The following NCK2 variants were observed in gnomAD, a reference collection of about 807,000 sequenced individuals.
NCK2 encodes the protein NCK adaptor protein 2.
In NCK2, 16 loss-of-function variants were observed where a neutral mutation model predicts 33.9. The observed-to-expected ratio is 0.47, with a 90% CI of 0.32 to 0.72. NCK2 has a LOEUF of 0.72. Ranked by LOEUF, NCK2 falls within the 30% of genes least tolerant of loss-of-function variation. NCK2 has a pLI of 0.03. For synonymous variants in NCK2, 273 were observed against 239.9 expected (o/e 1.14, Z -1.27); for missense variants, 418 against 537.3 (o/e 0.78, Z 2.19).
At position 105,881,661 on chromosome 2, in the gene NCK2, C is replaced by T; in HGVS notation, c.560C>T (p.Ser187Leu). Residue 187 changes from serine (S) to leucine (L), a missense_variant, in exon 4 of 5, where the codon TCG becomes TTG. Physicochemically the swap from Ser to Leu is moderately radical, Grantham distance 145 (BLOSUM62 -2). Coordinates refer to ENST00000233154, the MANE Select transcript of NCK2 (RefSeq NM_003581.5). ...TTCCTGAGCCTGCGCAAGGGCGCCT[C>T]GCTGAGCAATGGCCAGGGCTCCCGC... ...PSFLSLRKGA[S>L]LSNGQGSRVL... 4 of 1,613,126 alleles carry T rather than the reference C, an allele frequency of 2.5e-6. No individual in the cohort carries two copies. The highest frequency in any genetic ancestry group is 1.3e-5 in the African/African-American group (1 of 75,038).
At chr2:105,813,873 A>G (rs1363305440) in intron 1 of NCK2, among the ~76,000 whole-genome samples, 4 of 152,238 alleles carry the variant, frequency 2.6e-5, no homozygotes, top group African/African-American at 4.8e-5. Flanking sequence ...ATCAGTGTTA[A>G]TTGCCTTCCA....
intron 1 of NCK2, among the ~76,000 whole-genome samples, chr2:105,754,455 G>A (rs1302517012): frequency 6.6e-6 from 1 of 152,148 alleles, no homozygotes; most frequent in Non-Finnish European, 1.5e-5. Flanking sequence ...AATTTTGGTT[G>A]CGTGTTTAAG....
chr2:105,816,957 T>G (rs1368639056), intron 2 of NCK2, among the ~76,000 whole-genome samples: 1 of 152,136 alleles, frequency 6.6e-6, no homozygotes, highest in African/African-American at 2.4e-5. Context: ...TAACCACTTT[T>G]CTGGTGCTTT....
At chr2:105,835,752 T>C (rs907297523) in intron 2 of NCK2, among the ~76,000 whole-genome samples, 12 of 151,956 alleles carry the variant, frequency 7.9e-5, no homozygotes, top group African/African-American at 2.7e-4. Flanking sequence ...CATTTAGAAA[T>C]CCCAAAATAT....
chr2:105,839,177 A>G (rs528664195), intron 2 of NCK2, among the ~76,000 whole-genome samples: 6 of 152,196 alleles, frequency 3.9e-5, no homozygotes, highest in Non-Finnish European at 7.4e-5. Context: ...CAAGGTGAGA[A>G]TCAGAGTTTG....
chr2:105,821,503 A>G (rs932573145), intron 2 of NCK2, among the ~76,000 whole-genome samples: 2 of 152,166 alleles, frequency 1.3e-5, no homozygotes, highest in African/African-American at 4.8e-5. Flanking sequence ...TACCGAATAT[A>G]AAGAGATGGC....
chr2:105,819,917 TA>T (rs35132021), intron 2 of NCK2, among the ~76,000 whole-genome samples: 43,062 of 150,256 alleles, frequency 0.29, 6,925 homozygotes, highest in South Asian at 0.4. Context: ...TTGTAGCAGT[TA>T]AAAAAAAAAT....
At chr2:105,826,800 A>G (rs1675970567) in intron 2 of NCK2, among the ~76,000 whole-genome samples, 1 of 151,928 alleles carries the variant, frequency 6.6e-6, no homozygotes, top group African/African-American at 2.4e-5. Flanking sequence ...CATTTTATAT[A>G]TGTGTATATA....
chr2:105,744,676 C>T (rs530162629), upstream of NCK2, among the ~76,000 whole-genome samples: 1 of 151,890 alleles, frequency 6.6e-6, no homozygotes, highest in East Asian at 2.0e-4. Flanking sequence ...CGCGCTATCC[C>T]GGCGCCCGTA....
intron 3 of NCK2, among the ~76,000 whole-genome samples, chr2:105,857,622 A>G (rs1239450123): frequency 6.6e-6 from 1 of 152,238 alleles, no homozygotes; most frequent in Non-Finnish European, 1.5e-5. Flanking sequence ...AGCATTAGCT[A>G]TTGTAAAAAT....
chr2:105,883,218 C>T (rs948553851), intron 4 of NCK2, among the ~76,000 whole-genome samples: 21 of 152,222 alleles, frequency 1.4e-4, no homozygotes, highest in Admixed American at 1.2e-3. Context: ...CAGAGTTTAT[C>T]ATTCCTGGCA....
chr2:105,880,062 G>A (rs538908672), intron 3 of NCK2, among the ~76,000 whole-genome samples: 3 of 152,224 alleles, frequency 2.0e-5, no homozygotes, highest in Non-Finnish European at 2.9e-5. Flanking sequence ...AGAATGTTCC[G>A]GAATTCCGTG....
chr2:105,882,763 A>G (rs1678560309), intron 4 of NCK2, among the ~76,000 whole-genome samples: 1 of 152,180 alleles, frequency 6.6e-6, no homozygotes, highest in Non-Finnish European at 1.5e-5. Flanking sequence ...TCGTGTGTGA[A>G]GGAAATACTC....
At chr2:105,784,947 TTTTTTGTGTG>T (rs1176295014) in intron 1 of NCK2, among the ~76,000 whole-genome samples, 1 of 152,214 alleles carries the variant, frequency 6.6e-6, no homozygotes, top group East Asian at 1.9e-4. Flanking sequence ...TTTTATGTGT[TTTTTTGTGTG>T]TTTTTTCGTT....
intron 1 of NCK2, among the ~76,000 whole-genome samples, chr2:105,752,958 A>G (rs539241274): frequency 6.6e-6 from 1 of 152,298 alleles, no homozygotes; most frequent in African/African-American, 2.4e-5. Context: ...CTTTCCATGT[A>G]ATAACTCATT....
At chr2:105,765,629 C>A (rs147402886) in intron 1 of NCK2, among the ~76,000 whole-genome samples, 1 of 150,378 alleles carries the variant, frequency 6.6e-6, no homozygotes, top group Non-Finnish European at 1.5e-5. Context: ...TATTTTTGGT[C>A]GCTGGCTAAA....
At position 105,882,058 on chromosome 2, in the gene NCK2, G is replaced by A. The variant is rs1336816783; in HGVS notation, c.948+9G>A. On this transcript the variant is annotated intron_variant, in intron 4 of 4. Coordinates refer to ENST00000233154, the MANE Select transcript of NCK2 (RefSeq NM_003581.5). The stretch of plus-strand genomic sequence containing the variant: ...GGGACAGCGAGTCCTCGGTAAGTGC[G>A]CTGCGCCCACAGCTCCGGCTGCAGG... 6.0e-6 allele frequency: 9 copies of A among 1,491,282 alleles called. No homozygotes were observed. The highest frequency in any genetic ancestry group is 2.3e-5 in the East Asian group (1 of 42,782). The allele number at this position is 1,491,282 out of a possible 1,614,324, so 92.4% of individuals were successfully genotyped here.
chr2:105,798,630 T>G (rs1326407852), intron 1 of NCK2, among the ~76,000 whole-genome samples: 1 of 152,196 alleles, frequency 6.6e-6, no homozygotes, highest in African/African-American at 2.4e-5. Context: ...TGCATTACTT[T>G]GATGGGGGAA....
chr2:105,830,433 A>T (rs1676125358), intron 2 of NCK2, among the ~76,000 whole-genome samples: 1 of 152,170 alleles, frequency 6.6e-6, no homozygotes, highest in Non-Finnish European at 1.5e-5. Flanking sequence ...GCTGAATAGT[A>T]TTCCACTGTG....
Sources: gnomAD v4.1 joint callset for allele counts (sites outside exome capture counted in the v4.1 genomes callset) on GRCh38, gnomAD v4.1.1 for gene constraint, MANE v1.5 for transcripts, NCBI Gene and HGNC (gene_info 2026-07-23, HGNC 2026-07-21) for gene names.